The following TMEM131 variants were observed in gnomAD, a reference collection of about 807,000 sequenced individuals.
The protein encoded by TMEM131 is 2610524E03Rik.
In TMEM131, 66 loss-of-function variants were observed where a neutral mutation model predicts 211.6. The observed-to-expected ratio is 0.31, with a 90% CI of 0.26 to 0.38. The LOEUF (loss-of-function observed/expected upper bound fraction) is 0.38. Ranked by LOEUF, TMEM131 falls within the 10% of genes least tolerant of loss-of-function variation. The probability of loss-of-function intolerance (pLI) is 1.00; values close to 1 mark genes in which losing one functional copy is unlikely to be tolerated. For synonymous variants in TMEM131, 844 were observed against 841.3 expected, an observed-to-expected ratio of 1.00 and a Z score of -0.06; for missense variants, 2,036 against 2,299.3, an observed-to-expected ratio of 0.89 and a Z score of 2.34.
At position 97,760,786 on chromosome 2, in the gene TMEM131, C is replaced by T. The variant is rs755317153; in HGVS notation, c.5011+7G>A. 20 of 1,613,802 alleles carry T rather than the reference C, an allele frequency of 1.2e-5. No homozygotes were observed. The South Asian group carries it at 1.4e-4, about 12-fold the overall frequency. ...GCGTGGCAGGTCTCTGAAGCAAAGG[C>T]ACTGACCTGGGCTCTTGTCGTAGCC... is the stretch of plus-strand genomic sequence containing the variant. On this transcript the variant is annotated splice_region_variant and intron_variant, in intron 37 of 40. Coordinates refer to ENST00000186436, the MANE Select transcript of TMEM131 (RefSeq NM_015348.2).
At chr2:97,976,684 G>A (rs1679549298) in intron 1 of TMEM131, among the ~76,000 whole-genome samples, 1 of 152,100 alleles carries the variant, frequency 6.6e-6, no homozygotes, top group South Asian at 2.1e-4. Context: ...GAAATGTGAA[G>A]GATCTTGAAT....
chr2:97,859,028 ACCTATTATT>A (rs1414031407), intron 5 of TMEM131, among the ~76,000 whole-genome samples: 1 of 152,206 alleles, frequency 6.6e-6, no homozygotes, highest in Non-Finnish European at 1.5e-5. Flanking sequence ...CGAAGGAATT[ACCTATTATT>A]AGGAAGGAAA....
chr2:97,981,423 T>C (rs1173797517), intron 1 of TMEM131, among the ~76,000 whole-genome samples: 3 of 152,170 alleles, frequency 2.0e-5, no homozygotes, highest in African/African-American at 4.8e-5. Context: ...TCCATTAAGG[T>C]TGTATCTTTT....
chr2:97,881,195 T>G (rs750993287), intron 4 of TMEM131, among the ~76,000 whole-genome samples: 54 of 152,070 alleles, frequency 3.6e-4, no homozygotes, highest in Non-Finnish European at 6.8e-4. Context: ...AGGCACTGCA[T>G]GCAGACAGTA....
At chr2:97,855,352 G>A (rs191792983) in intron 5 of TMEM131, among the ~76,000 whole-genome samples, 260 of 152,170 alleles carry the variant, frequency 1.7e-3, no homozygotes, top group Non-Finnish European at 2.4e-3. Context: ...GCTTTATTCC[G>A]GCTCTTATTA....
intron 3 of TMEM131, among the ~76,000 whole-genome samples, chr2:97,897,720 T>A (rs1478348582): frequency 6.6e-6 from 1 of 152,150 alleles, no homozygotes; most frequent in Non-Finnish European, 1.5e-5. Flanking sequence ...ATGCCTGCAA[T>A]AATCACCTCA....
chr2:97,968,561 G>A (rs1437917178), intron 1 of TMEM131, among the ~76,000 whole-genome samples: 1 of 152,064 alleles, frequency 6.6e-6, no homozygotes, highest in African/African-American at 2.4e-5. Context: ...CCCTTTGGAG[G>A]GGCAATGTTC....
chr2:97,832,079 A>G (rs1048168827), intron 11 of TMEM131, among the ~76,000 whole-genome samples: 2 of 150,144 alleles, frequency 1.3e-5, no homozygotes, highest in Non-Finnish European at 3.0e-5. Context: ...TGCACCATAT[A>G]GGTATTAAGT....
intron 5 of TMEM131, among the ~76,000 whole-genome samples, chr2:97,851,458 A>G (rs1472762687): frequency 6.6e-6 from 1 of 152,174 alleles, no homozygotes; most frequent in East Asian, 1.9e-4. Context: ...AACATACAGC[A>G]TATCTCATTT....
At chr2:97,923,931 T>G (rs1052303654) in intron 2 of TMEM131, among the ~76,000 whole-genome samples, 4 of 151,846 alleles carry the variant, frequency 2.6e-5, no homozygotes, top group African/African-American at 4.8e-5. Flanking sequence ...ATACAAAAAA[T>G]TAGTCGGGCT....
Position 97,792,795 on chromosome 2 carries a change from A to G in TMEM131, c.3735T>C (p.Ser1245=), listed in dbSNP as rs756607414. 7 of 1,613,882 alleles carry G rather than the reference A, an allele frequency of 4.3e-6. No homozygotes were observed. The African/African-American group carries it at 6.7e-5, about 15-fold the overall frequency. Residue 1245 remains serine, a synonymous_variant, in exon 31 of 41, where the codon AGT becomes AGC. Coordinates refer to ENST00000186436, the MANE Select transcript of TMEM131 (RefSeq NM_015348.2). ...AAGAAGCTGCTTGAGCAGAAGTCCT[A>G]CTAGAGGTACTTGAACTGTTTTTGG... is the stretch of plus-strand genomic sequence containing the variant. ...VRAKNSSSTS[S]RTSAQAASSQ... is the part of the protein sequence containing the mutation.
chr2:97,991,043 C>T (rs1680241331), intron 1 of TMEM131, among the ~76,000 whole-genome samples: 1 of 152,112 alleles, frequency 6.6e-6, no homozygotes, highest in African/African-American at 2.4e-5. Context: ...TTACTAGATA[C>T]ATAAACTATA....
At chr2:97,779,324 C>A (rs963862355) in intron 31 of TMEM131, among the ~76,000 whole-genome samples, 3 of 152,222 alleles carry the variant, frequency 2.0e-5, no homozygotes, top group African/African-American at 7.2e-5. Context: ...GGATGCCTTC[C>A]CTAACCTGAC....
intron 7 of TMEM131, among the ~76,000 whole-genome samples, chr2:97,839,685 G>A (rs1683104260): frequency 2.0e-5 from 3 of 152,210 alleles, no homozygotes; most frequent in Admixed American, 6.5e-5. Context: ...TGTCCACGAG[G>A]AAGGGCTTGG....
intron 2 of TMEM131, among the ~76,000 whole-genome samples, chr2:97,916,200 G>A (rs758934005): frequency 6.6e-6 from 1 of 152,216 alleles, no homozygotes; most frequent in African/African-American, 2.4e-5. Context: ...ATAGGCGTGG[G>A]CCACGGCACC....
intron 7 of TMEM131, among the ~76,000 whole-genome samples, chr2:97,838,565 C>T (rs1449763831): frequency 1.3e-5 from 2 of 151,150 alleles, no homozygotes; most frequent in Non-Finnish European, 2.9e-5. Flanking sequence ...CTGCCTCAGC[C>T]TCCTGAGTAG....
intron 1 of TMEM131, among the ~76,000 whole-genome samples, chr2:97,942,760 G>T (rs959917440): frequency 6.6e-6 from 1 of 151,930 alleles, no homozygotes; most frequent in African/African-American, 2.4e-5. Context: ...CTTCACTGAT[G>T]AATTCTACTA....
At chr2:97,982,918 G>GC (rs1468030191) in intron 1 of TMEM131, among the ~76,000 whole-genome samples, 3 of 152,208 alleles carry the variant, frequency 2.0e-5, no homozygotes, top group Admixed American at 6.5e-5. Context: ...AAAGAGCACA[G>GC]CCCCAACACC....
At chr2:97,838,310 A>T (rs1683025000) in intron 7 of TMEM131, among the ~76,000 whole-genome samples, 1 of 152,118 alleles carries the variant, frequency 6.6e-6, no homozygotes, top group South Asian at 2.1e-4. Flanking sequence ...AATTCAATTA[A>T]ATTTGGGGTG....
Sources: gnomAD v4.1 joint callset for allele counts (sites outside exome capture counted in the v4.1 genomes callset) on GRCh38, gnomAD v4.1.1 for gene constraint, MANE v1.5 for transcripts, NCBI Gene and HGNC (gene_info 2026-07-23, HGNC 2026-07-21) for gene names.